Variants in PTPRG observed in about 807,000 individuals in gnomAD.
The protein encoded by PTPRG is protein tyrosine phosphatase receptor type G.
PTPRG carries 102 observed loss-of-function variants against 165.3 expected under a neutral mutation model. That is an observed-to-expected ratio of 0.62 (90% CI 0.53 to 0.73). The LOEUF is 0.73. Among genes scored for constraint, PTPRG ranks in the 30% least tolerant of loss-of-function variants. PTPRG has a pLI of 0.00. For missense variants in PTPRG, 1,866 were observed against 1,861.4 expected (o/e 1.00, Z -0.05); for synonymous variants, 675 against 669.5 (o/e 1.01, Z -0.13).
At chr3:61,611,293 G>C (rs1385472842) in intron 1 of PTPRG, among the ~76,000 whole-genome samples, 1 of 152,146 alleles carries the variant, frequency 6.6e-6, no homozygotes, top group East Asian at 1.9e-4. Context: ...CCTGGAATAA[G>C]GTGAATAACC....
At chr3:61,699,299 T>C (rs1020678992) in intron 1 of PTPRG, among the ~76,000 whole-genome samples, 1 of 152,230 alleles carries the variant, frequency 6.6e-6, no homozygotes, top group African/African-American at 2.4e-5. Context: ...CTTTATACTT[T>C]TGCAAATCTT....
chr3:62,168,841 C>G (rs1178648209), intron 8 of PTPRG, among the ~76,000 whole-genome samples: 1 of 152,140 alleles, frequency 6.6e-6, no homozygotes, highest in Non-Finnish European at 1.5e-5. Context: ...CGTCCAGGAA[C>G]AATCAGGTCG....
At chr3:62,106,503 C>CTTT (rs149641730) in intron 5 of PTPRG, among the ~76,000 whole-genome samples, 61 of 118,580 alleles carry the variant, frequency 5.1e-4, no homozygotes, top group African/African-American at 1.7e-3. Flanking sequence ...CTCTTAAAGG[C>CTTT]TTTTTTTTTT....
chr3:61,969,029 G>T (rs1427480562), intron 2 of PTPRG, among the ~76,000 whole-genome samples: 1 of 152,146 alleles, frequency 6.6e-6, no homozygotes, highest in Non-Finnish European at 1.5e-5. Flanking sequence ...ACCAGAATTT[G>T]TACTCCTACT....
At chr3:62,226,654 G>A (rs1223049974) in intron 13 of PTPRG, among the ~76,000 whole-genome samples, 1 of 152,178 alleles carries the variant, frequency 6.6e-6, no homozygotes, top group Non-Finnish European at 1.5e-5. Context: ...TGAGCTAACT[G>A]CAGATTCTGG....
intron 4 of PTPRG, among the ~76,000 whole-genome samples, chr3:62,033,978 C>G (rs1201524967): frequency 6.6e-6 from 1 of 152,228 alleles, no homozygotes; most frequent in African/African-American, 2.4e-5. Context: ...GTTGGCCAGG[C>G]TGGTCTTGAA....
intron 1 of PTPRG, among the ~76,000 whole-genome samples, chr3:61,609,302 A>C (rs1057174168): frequency 1.3e-5 from 2 of 152,138 alleles, no homozygotes; most frequent in Non-Finnish European, 2.9e-5. Context: ...TTCCTGTTCC[A>C]TTTCTACGTA....
intron 1 of PTPRG, among the ~76,000 whole-genome samples, chr3:61,656,716 A>G (rs1405353910): frequency 6.6e-6 from 1 of 152,212 alleles, no homozygotes; most frequent in African/African-American, 2.4e-5. Flanking sequence ...GGTCATGTCC[A>G]ACATTCTTGT....
chr3:62,124,477 G>T, intron 5 of PTPRG: 2 of 1,611,466 alleles, frequency 1.2e-6, no homozygotes, highest in Admixed American at 1.7e-5. Context: ...CCTTGAGCTT[G>T]GAGTAGCAGT....
In PTPRG at chr3:62,255,227, G is replaced by A; in HGVS notation, c.2559+12G>A. ...CTGAGGATTTTGAGGTATGTTTCAA[G>A]GCTGGAAGTTAACTTCCAGAAACCT... On this transcript the variant is annotated intron_variant, in intron 16 of 29. Coordinates refer to ENST00000474889, the MANE Select transcript of PTPRG (RefSeq NM_002841.4). The surrounding 1 kb of genome is among the most constrained non-coding windows in gnomAD (Gnocchi z 4.0). 1 of 1,598,570 alleles carries A rather than the reference G, an allele frequency of 6.3e-7. No individual in the cohort carries two copies. The highest frequency in any genetic ancestry group is 8.5e-7 in the Non-Finnish European group (1 of 1,170,320).
chr3:62,181,773 C>T (rs1319211430), intron 8 of PTPRG, among the ~76,000 whole-genome samples: 1 of 152,112 alleles, frequency 6.6e-6, no homozygotes, highest in Non-Finnish European at 1.5e-5. Context: ...TACTAACTTA[C>T]CTGCTTCTTG....
intron 2 of PTPRG, among the ~76,000 whole-genome samples, chr3:61,861,963 G>T (rs968843783): frequency 3.3e-5 from 5 of 152,146 alleles, no homozygotes. Context: ...GGTGAAAATG[G>T]TAAACATTTG....
intron 2 of PTPRG, among the ~76,000 whole-genome samples, chr3:61,754,977 C>T (rs1025999438): frequency 2.0e-5 from 3 of 151,614 alleles, no homozygotes; most frequent in African/African-American, 7.3e-5. Context: ...CTAATAGAGA[C>T]CTCCTTCTTC....
Position 62,293,604 on chromosome 3 carries a change from C to T in PTPRG, c.*297C>T, listed in dbSNP as rs1702974570. 2 of 224,778 alleles carry T rather than the reference C, an allele frequency of 8.9e-6. No individual in the cohort carries two copies. The highest frequency in any genetic ancestry group is 1.8e-4 in the South Asian group (1 of 5,614). 13.9% of individuals were successfully genotyped at this position (224,778 alleles called of 1,614,324 possible). On this transcript the variant is annotated 3_prime_UTR_variant, in exon 30 of 30. Transcript: ENST00000474889. The stretch of plus-strand genomic sequence containing the variant: ...TGATGTGACATTCCATGACGACATA[C>T]ATGCTACTTTTTTTTAGTTCAATAC...
At chr3:62,253,570 T>C (rs1338583402) in intron 15 of PTPRG, among the ~76,000 whole-genome samples, 20 of 152,214 alleles carry the variant, frequency 1.3e-4, no homozygotes, top group Admixed American at 1.3e-3. Context: ...TGATCATTAT[T>C]GTAGAATTTG....
chr3:61,624,218 C>T (rs539308556), intron 1 of PTPRG, among the ~76,000 whole-genome samples: 89 of 152,162 alleles, frequency 5.8e-4, no homozygotes, highest in East Asian at 2.3e-3. Context: ...AGCTGCGAAC[C>T]GGAGCAAGCT....
intron 2 of PTPRG, among the ~76,000 whole-genome samples, chr3:61,866,689 C>A (rs2037421294): frequency 7.0e-6 from 1 of 142,948 alleles, no homozygotes; most frequent in Non-Finnish European, 1.5e-5. Flanking sequence ...AACTTTGCCT[C>A]CCTAGTTCAA....
chr3:62,082,152 C>G (rs564567029), intron 5 of PTPRG, among the ~76,000 whole-genome samples: 1 of 152,326 alleles, frequency 6.6e-6, no homozygotes, highest in African/African-American at 2.4e-5. Flanking sequence ...TGCAGAGATA[C>G]CAGTAGTCCA....
At chr3:62,270,846 T>A (rs1702037857) in intron 20 of PTPRG, among the ~76,000 whole-genome samples, 1 of 152,146 alleles carries the variant, frequency 6.6e-6, no homozygotes, top group African/African-American at 2.4e-5. Flanking sequence ...TCTGAAAAAG[T>A]CATTTATGAA....
Sources: allele counts gnomAD v4.1 joint callset (sites outside exome capture counted in the v4.1 genomes callset), GRCh38; gene constraint gnomAD v4.1.1; non-coding constraint Gnocchi (gnomAD v3.1); transcripts MANE v1.5; gene names NCBI Gene and HGNC (gene_info 2026-07-23, HGNC 2026-07-21).